INSYN2B: variants seen among roughly 807,000 people sequenced by gnomAD.
The protein encoded by INSYN2B is inhibitory synaptic factor family member 2B.
A neutral mutation model predicts 41.2 loss-of-function variants in INSYN2B; 16 were observed. That is an observed-to-expected ratio of 0.39 (90% CI 0.26 to 0.59). The LOEUF (loss-of-function observed/expected upper bound fraction) is 0.59. Ranked by LOEUF, INSYN2B falls within the 20% of genes least tolerant of loss-of-function variation. The pLI is 0.57. For missense variants in INSYN2B, 608 were observed against 646.4 expected, an observed-to-expected ratio of 0.94 and a Z score of 0.64; for synonymous variants, 245 against 244.4, an observed-to-expected ratio of 1.00 and a Z score of -0.02.
chr5:169,896,136 C>T (rs965040545), intron 1 of INSYN2B, among the ~76,000 whole-genome samples: 16 of 151,790 alleles, frequency 1.1e-4, no homozygotes, highest in African/African-American at 3.9e-4. Context: ...CCAGAGCGTG[C>T]AGGCAGATGG....
At chr5:169,950,383 A>C (rs759729503) in intron 1 of INSYN2B, among the ~76,000 whole-genome samples, 19 of 152,312 alleles carry the variant, frequency 1.2e-4, no homozygotes, top group South Asian at 4.1e-4. Flanking sequence ...CTCAAAAAAC[A>C]GTAGTATTAT....
At chr5:169,948,664 A>G (rs375301962) in intron 1 of INSYN2B, among the ~76,000 whole-genome samples, 1 of 144,574 alleles carries the variant, frequency 6.9e-6, no homozygotes, top group African/African-American at 2.6e-5. Context: ...CCCAGGCTGG[A>G]GTGCAGTGGT....
chr5:169,881,056 T>G (rs1169996602), intron 3 of INSYN2B, among the ~76,000 whole-genome samples: 1 of 152,190 alleles, frequency 6.6e-6, no homozygotes, highest in Non-Finnish European at 1.5e-5. Context: ...GAAAATGCTC[T>G]GTGTGAGCGA....
chr5:169,895,582 A>G (rs1386443537), intron 1 of INSYN2B, among the ~76,000 whole-genome samples: 2 of 151,898 alleles, frequency 1.3e-5, no homozygotes, highest in South Asian at 4.2e-4. Context: ...TCGGTGCCCC[A>G]TGCTTTCACC....
At position 169,883,458 on chromosome 5, in the gene INSYN2B, G is replaced by T. The variant is rs781227256; in HGVS notation, c.441C>A (p.Asp147Glu). The change falls in exon 2 of 4, where the codon GAC becomes GAA. Residue 147 changes from aspartate (D) to glutamate (E), a missense_variant. Coordinates refer to ENST00000377365, the MANE Select transcript of INSYN2B (RefSeq NM_001129891.3). ...NLSEQDIVSSDLAYLRLAQHL... is the reference protein window; with the variant it reads ...NLSEQDIVSSELAYLRLAQHL... Reference sequence around the variant, plus strand: ...GCTGAGCCAACCTTAAGTAGGCAAGGTCAGAAGACACAATGTCCTGTTCAG... The same window carrying T: ...GCTGAGCCAACCTTAAGTAGGCAAGTTCAGAAGACACAATGTCCTGTTCAG... The T allele has an allele frequency of 5.2e-6, 8 of 1,551,550 alleles. No individual in the cohort carries two copies. The highest frequency in any genetic ancestry group is 2.0e-5 in the Admixed American group (1 of 50,974).
rs188934791 is a variant in INSYN2B at position 169,884,999 on chromosome 5, C to T, written c.-918-183G>A. On this transcript the variant is annotated intron_variant, in intron 1 of 3. Coordinates refer to ENST00000377365, the MANE Select transcript of INSYN2B (RefSeq NM_001129891.3). Reference sequence around the variant, plus strand: ...GCTTTGTGGGTGCAAGGCCTTGGAACAAAATGCCTGTCTGCCTGGACCCTT... The same window carrying T: ...GCTTTGTGGGTGCAAGGCCTTGGAATAAAATGCCTGTCTGCCTGGACCCTT... Among the ~76,000 whole-genome samples, 791 of 152,234 alleles carry T rather than the reference C, an allele frequency of 5.2e-3. 9 individuals carry two copies. Among genetic ancestry groups the T allele is most frequent in the African/African-American group, 0.019 (771 of 41,516 alleles).
At chr5:169,899,635 C>T (rs1024834457) in intron 1 of INSYN2B, among the ~76,000 whole-genome samples, 8 of 152,068 alleles carry the variant, frequency 5.3e-5, no homozygotes, top group African/African-American at 9.7e-5. Flanking sequence ...TGCTTTTGTT[C>T]GATGTTAGTG....
intron 1 of INSYN2B, among the ~76,000 whole-genome samples, chr5:169,929,678 G>A (rs913533356): frequency 6.7e-6 from 1 of 149,990 alleles, no homozygotes; most frequent in Non-Finnish European, 1.5e-5. Context: ...GGATATGGAG[G>A]TCACAGTGAG....
intron 1 of INSYN2B, among the ~76,000 whole-genome samples, chr5:169,934,182 G>A (rs1775883360): frequency 6.6e-6 from 1 of 152,144 alleles, no homozygotes; most frequent in Non-Finnish European, 1.5e-5. Context: ...AGGTACTGGG[G>A]CGGGGCTTAT....
At chr5:169,930,771 C>T (rs537959292) in intron 1 of INSYN2B, among the ~76,000 whole-genome samples, 4 of 152,214 alleles carry the variant, frequency 2.6e-5, no homozygotes, top group East Asian at 1.9e-4. Flanking sequence ...GTGGGTGAGC[C>T]TCCATTTCCA....
intron 1 of INSYN2B, among the ~76,000 whole-genome samples, chr5:169,886,177 C>A (rs889077509): frequency 6.6e-6 from 1 of 151,980 alleles, no homozygotes; most frequent in Non-Finnish European, 1.5e-5. Context: ...TTATTAGTGG[C>A]GTGAGAACAA....
intron 1 of INSYN2B, among the ~76,000 whole-genome samples, chr5:169,902,991 G>A (rs895236015): frequency 1.3e-5 from 2 of 152,012 alleles, no homozygotes; most frequent in African/African-American, 4.8e-5. Context: ...CCAGCTACTC[G>A]GGAGGCTGAG....
intron 1 of INSYN2B, among the ~76,000 whole-genome samples, chr5:169,916,268 T>C (rs542740780): frequency 3.9e-4 from 59 of 152,316 alleles, no homozygotes; most frequent in African/African-American, 1.4e-3. Context: ...ATTCTAGGTG[T>C]GTTTGTCCAA....
intron 1 of INSYN2B, among the ~76,000 whole-genome samples, chr5:169,917,545 A>G (rs891965963): frequency 1.3e-5 from 2 of 152,196 alleles, no homozygotes; most frequent in East Asian, 1.9e-4. Flanking sequence ...CTTCCCATCA[A>G]GAGAAGTGTA....
rs1423191994 is a variant in INSYN2B, at chr5:169,906,339, G to A, written c.-918-21523C>T. Reference sequence around the variant, plus strand: ...GGCTCCCAAGCCAGTGTGTGCACATGGCCAGCATTCAATAAGCATTAGCCA... The same window carrying A: ...GGCTCCCAAGCCAGTGTGTGCACATAGCCAGCATTCAATAAGCATTAGCCA... On this transcript the variant is annotated intron_variant, in intron 1 of 3. Coordinates refer to ENST00000377365, the MANE Select transcript of INSYN2B (RefSeq NM_001129891.3). Among the ~76,000 whole-genome samples the A allele has an allele frequency of 2.0e-5, 3 of 152,134 alleles. No individual in the cohort carries two copies. The East Asian group carries it at 5.8e-4, about 29-fold the overall frequency.
intron 1 of INSYN2B, among the ~76,000 whole-genome samples, chr5:169,890,200 A>G (rs957781413): frequency 6.6e-6 from 1 of 152,282 alleles, no homozygotes; most frequent in Admixed American, 6.5e-5. Flanking sequence ...CAGACATCTA[A>G]TTACTTTATG....
intron 1 of INSYN2B, among the ~76,000 whole-genome samples, chr5:169,909,073 A>G (rs1774451278): frequency 6.6e-6 from 1 of 152,198 alleles, no homozygotes. Flanking sequence ...GCCTGCTTTC[A>G]GTAGCTGCTG....
intron 3 of INSYN2B, among the ~76,000 whole-genome samples, chr5:169,874,819 A>G (rs2113473738): frequency 6.6e-6 from 1 of 152,256 alleles, no homozygotes; most frequent in Non-Finnish European, 1.5e-5. Flanking sequence ...TGAATCTCCC[A>G]AGTATTGCAT....
At position 169,912,125 on chromosome 5, in the gene INSYN2B, C is replaced by T. The variant is rs192559789; in HGVS notation, c.-918-27309G>A. Among the ~76,000 whole-genome samples, 696 of 152,220 alleles carry T rather than the reference C, an allele frequency of 4.6e-3. 3 individuals carry two copies. Among genetic ancestry groups the T allele is most frequent in the African/African-American group, 0.016 (652 of 41,542 alleles). On this transcript the variant is annotated intron_variant, in intron 1 of 3. Coordinates refer to ENST00000377365, the MANE Select transcript of INSYN2B (RefSeq NM_001129891.3). ...AGCCACTCTTGGTGATACAAGGGAC[C>T]CTGGGTATAAAAAAAGGAAAGCGAC...
Sources: gnomAD v4.1 joint callset for allele counts (sites outside exome capture counted in the v4.1 genomes callset) on GRCh38, gnomAD v4.1.1 for gene constraint, MANE v1.5 for transcripts, NCBI Gene and HGNC (gene_info 2026-07-23, HGNC 2026-07-21) for gene names.